Variants in OTUD7B observed in about 807,000 individuals in gnomAD.
The protein encoded by OTUD7B is OTU domain-containing protein 7B.
OTUD7B carries 34 observed loss-of-function variants against 82.2 expected under a neutral mutation model. The observed-to-expected ratio is 0.41, with a 90% CI of 0.31 to 0.55. The LOEUF (loss-of-function observed/expected upper bound fraction) is 0.55. Ranked by LOEUF, OTUD7B falls within the 20% of genes least tolerant of loss-of-function variation. The pLI is 0.20. For synonymous variants in OTUD7B, 398 were observed against 402.7 expected, an observed-to-expected ratio of 0.99 and a Z score of 0.14; for missense variants, 944 against 1,062.1, an observed-to-expected ratio of 0.89 and a Z score of 1.55.
At chr1:149,965,282 G>A (rs1649452807) in intron 5 of OTUD7B, among the ~76,000 whole-genome samples, 2 of 152,062 alleles carry the variant, frequency 1.3e-5, no homozygotes, top group East Asian at 2.0e-4. Context: ...CAGGAGAATC[G>A]CTTGAACCCA....
At chr1:150,001,730 T>C (rs782320970) in intron 1 of OTUD7B, among the ~76,000 whole-genome samples, 2 of 152,166 alleles carry the variant, frequency 1.3e-5, no homozygotes, top group Admixed American at 6.5e-5. Flanking sequence ...AATTAAGACT[T>C]GGCAGCTCTG....
the OTUD7B span, among the ~76,000 whole-genome samples, chr1:150,053,698 A>G: frequency 6.6e-6 from 1 of 152,070 alleles, no homozygotes; most frequent in Admixed American, 6.6e-5. Context: ...GCACGGCTGA[A>G]CAGACACTTT....
chr1:150,042,062 A>G, the OTUD7B span, among the ~76,000 whole-genome samples: 1 of 150,018 alleles, frequency 6.7e-6, no homozygotes. Context: ...TTTTTGAGAC[A>G]GAGTCTCACT....
At chr1:150,016,311 C>T in the OTUD7B span, among the ~76,000 whole-genome samples, 6 of 152,154 alleles carry the variant, frequency 3.9e-5, no homozygotes, top group African/African-American at 1.4e-4. Context: ...GTCTTAACTC[C>T]ATTTCTACAT....
chr1:150,064,421 G>C, the OTUD7B span, among the ~76,000 whole-genome samples: 1 of 151,504 alleles, frequency 6.6e-6, no homozygotes, highest in East Asian at 1.9e-4. Context: ...CTGTTGCCTG[G>C]AGTGCAGTGG....
At chr1:150,033,260 C>A in the OTUD7B span, among the ~76,000 whole-genome samples, 23,462 of 152,008 alleles carry the variant, frequency 0.15, 1,982 homozygotes, top group African/African-American at 0.19. Flanking sequence ...ACTTTTCTGA[C>A]GTTATTGATA....
the OTUD7B span, among the ~76,000 whole-genome samples, chr1:150,026,384 T>G: frequency 6.6e-6 from 1 of 152,222 alleles, no homozygotes; most frequent in Non-Finnish European, 1.5e-5. Flanking sequence ...ATTTATTATT[T>G]TGTCTCATCA....
At chr1:150,036,958 G>A in the OTUD7B span, among the ~76,000 whole-genome samples, 8 of 152,188 alleles carry the variant, frequency 5.3e-5, 1 homozygote, top group African/African-American at 1.9e-4. Context: ...TAAACACTCA[G>A]CTGTCTAACC....
Position 149,959,688 on chromosome 1 carries a change from C to A in OTUD7B, c.841G>T (p.Gly281Cys), listed in dbSNP as rs782413129. The A allele has an allele frequency of 1.9e-6, 3 of 1,606,736 alleles. No homozygotes were observed. In the African/African-American group the frequency reaches 4.0e-5, roughly 22 times the overall value. ...MHLGTNGANC[G>C]GVESSEEPVY... ...CCCCTACTTAGCCATACTTACCCAC[C>A]ACAGTTGGCTCCATTGGTACCTAGA... The change falls in exon 7 of 12, where the codon GGT (glycine) becomes TGT (cysteine). Residue 281 changes from glycine to cysteine, a missense_variant. By Grantham distance (159) the Gly-to-Cys change is radical. Coordinates refer to ENST00000581312, the MANE Select transcript of OTUD7B (RefSeq NM_020205.4).
At chr1:150,038,367 T>C in the OTUD7B span, among the ~76,000 whole-genome samples, 1 of 151,958 alleles carries the variant, frequency 6.6e-6, no homozygotes, top group Non-Finnish European at 1.5e-5. Context: ...ATTTTCATTC[T>C]TTAAATTGTT....
Position 149,944,999 on chromosome 1 carries a change from A to G in OTUD7B, c.1390T>C (p.Ser464Pro). ...ACTGACTCCTTGTCTGAGTCTCCAG[A>G]CTCAGGAGTGGACCGGGGCTCATCT... ...AGDEPRSTPESGDSDKESVGS... is the reference protein window; with the variant it reads ...AGDEPRSTPEPGDSDKESVGS... The change falls in exon 12 of 12, where the codon TCT (serine) becomes CCT (proline). Residue 464 changes from serine to proline, a missense_variant. Ser to Pro is a moderately conservative substitution (Grantham distance 74, BLOSUM62 -1). Transcript: ENST00000581312. 1 of 1,613,864 alleles carries G rather than the reference A, an allele frequency of 6.2e-7. No individual in the cohort carries two copies. Among genetic ancestry groups the G allele is most frequent in the South Asian group, 1.1e-5 (1 of 91,080 alleles).
the OTUD7B span, among the ~76,000 whole-genome samples, chr1:150,040,713 C>CT: frequency 0.94 from 136,755 of 145,448 alleles, 64,737 homozygotes; most frequent in East Asian, 1. Context: ...CTTTTCTTTC[C>CT]TTTTTTTTTT....
the OTUD7B span, among the ~76,000 whole-genome samples, chr1:150,049,969 T>C: frequency 2.6e-5 from 4 of 152,102 alleles, no homozygotes; most frequent in African/African-American, 9.7e-5. Context: ...CCCAACACTT[T>C]GGGAGGCTGA....
intron 1 of OTUD7B, among the ~76,000 whole-genome samples, chr1:149,984,480 T>C (rs1651000396): frequency 6.6e-6 from 1 of 152,214 alleles, no homozygotes; most frequent in Non-Finnish European, 1.5e-5. Context: ...TCTCTGGCCC[T>C]GTGTCTTGGT....
chr1:149,970,719 G>T (rs1571655142), intron 3 of OTUD7B, among the ~76,000 whole-genome samples: 2 of 152,136 alleles, frequency 1.3e-5, no homozygotes, highest in South Asian at 2.1e-4. Context: ...TTTTAATTTT[G>T]ATAGATATTG....
chr1:149,970,945 G>T, intron 3 of OTUD7B, 118 bp downstream of exon 3: 2 of 944,838 alleles, frequency 2.1e-6, no homozygotes, highest in Non-Finnish European at 3.0e-6. Flanking sequence ...TCTGGGTTTG[G>T]CTGGGAGAAG....
chr1:150,017,412 C>T, the OTUD7B span, among the ~76,000 whole-genome samples: 1 of 152,138 alleles, frequency 6.6e-6, no homozygotes, highest in Non-Finnish European at 1.5e-5. Context: ...TAAGAATGGG[C>T]TTCTAAGGCC....
At chr1:150,015,787 G>A in the OTUD7B span, among the ~76,000 whole-genome samples, 1 of 152,116 alleles carries the variant, frequency 6.6e-6, no homozygotes, top group Non-Finnish European at 1.5e-5. Context: ...AGAGGGGGCG[G>A]GGGCTGAGTG....
At chr1:149,983,481 G>A (rs182924771) in intron 1 of OTUD7B, among the ~76,000 whole-genome samples, 113 of 152,158 alleles carry the variant, frequency 7.4e-4, no homozygotes, top group Non-Finnish European at 2.1e-4. Flanking sequence ...ATCTCCTATA[G>A]GGAGTCAGGA....
Sources: gnomAD v4.1 joint callset for allele counts (sites outside exome capture counted in the v4.1 genomes callset) on GRCh38, gnomAD v4.1.1 for gene constraint, MANE v1.5 for transcripts, NCBI Gene and HGNC (gene_info 2026-07-23, HGNC 2026-07-21) for gene names.